JDP2: variants seen among roughly 807,000 people sequenced by gnomAD.
JDP2 encodes the protein Jun dimerization protein 2, also known as progesterone receptor co-activator.
Under a neutral mutation model 17.1 loss-of-function variants are expected in JDP2, and 9 were observed. The ratio of observed to expected loss-of-function variants is 0.53; its 90% CI spans 0.32 to 0.92. The LOEUF (loss-of-function observed/expected upper bound fraction) is 0.92. Ranked by LOEUF, JDP2 falls within the 40% of genes least tolerant of loss-of-function variation. JDP2 has a pLI of 0.04. For synonymous variants in JDP2, 107 were observed against 95.6 expected (o/e 1.12, Z -0.69); for missense variants, 179 against 220.0 (o/e 0.81, Z 1.18).
At chr14:75,454,160 G>A (rs1885996285) in intron 2 of JDP2, among the ~76,000 whole-genome samples, 1 of 99,822 alleles carries the variant, frequency 1.0e-5, no homozygotes, top group African/African-American at 4.2e-5. Flanking sequence ...AGGCCCGAGA[G>A]GAGCTGGTGA....
chr14:75,461,293 G>A, intron 2 of JDP2, 133 bp from the exon 3 acceptor site: 1 of 668,330 alleles, frequency 1.5e-6, no homozygotes, highest in Non-Finnish European at 2.7e-6. Context: ...CAGTGGGCTG[G>A]CAGAAGTGAT....
intron 2 of JDP2, among the ~76,000 whole-genome samples, chr14:75,452,607 A>G: frequency 6.6e-6 from 1 of 152,222 alleles, no homozygotes. Flanking sequence ...TCAAAATGGA[A>G]TTTGTTGCTG....
chr14:75,439,041 G>T (rs988660435), intron 2 of JDP2, among the ~76,000 whole-genome samples: 4 of 152,342 alleles, frequency 2.6e-5, no homozygotes, highest in Non-Finnish European at 4.4e-5. Context: ...GAGCATCTGG[G>T]AATGGTAGCT....
intron 3 of JDP2, among the ~76,000 whole-genome samples, chr14:75,468,736 A>G (rs1285989187): frequency 6.6e-6 from 1 of 152,268 alleles, no homozygotes; most frequent in African/African-American, 2.4e-5. Context: ...ATTATAGACT[A>G]ATAGCTAGGA....
At chr14:75,458,657 G>T (rs1427279091) in intron 2 of JDP2, among the ~76,000 whole-genome samples, 1 of 152,216 alleles carries the variant, frequency 6.6e-6, no homozygotes, top group African/African-American at 2.4e-5. Context: ...ATGGTAGAAT[G>T]ATTTATATTC....
chr14:75,453,492 T>A (rs185475586), intron 2 of JDP2, among the ~76,000 whole-genome samples: 1 of 152,364 alleles, frequency 6.6e-6, no homozygotes, highest in Non-Finnish European at 1.5e-5. Flanking sequence ...CAGGCCAGTG[T>A]GCCGCTGCTG....
Position 75,428,888 on chromosome 14 carries a change from C to T in JDP2, c.-24+636C>T, listed in dbSNP as rs1884660064. 6.6e-6 allele frequency among the ~76,000 whole-genome samples: 1 copy of T among 152,134 alleles called. No homozygotes were observed. The highest frequency in any genetic ancestry group is 1.5e-5 in the Non-Finnish European group (1 of 68,014). ...GGGTGGCCGGGGTCCCCTTTGGGCT[C>T]TCCTGTCTCCCACGCCAGGTTATAT... On this transcript the variant is annotated intron_variant, in intron 1 of 3. Coordinates refer to ENST00000651602, the MANE Select transcript of JDP2 (RefSeq NM_001135048.2). This position sits in a 1 kb window ranked among gnomAD's most constrained non-coding sequence, Gnocchi z 5.6.
In JDP2 at chr14:75,450,027, C is replaced by T. The variant is rs542583753; in HGVS notation, c.202-11399C>T. Among the ~76,000 whole-genome samples the T allele has an allele frequency of 2.0e-5, 3 of 152,286 alleles. No individual in the cohort carries two copies. In the East Asian group the frequency reaches 5.8e-4, roughly 29 times the overall value. ...ATTCTGTTCATATAAACCAGCCTCA[C>T]ACCTCGGCGGCCTGTTGTTTTTGGG... On this transcript the variant is annotated intron_variant, in intron 2 of 3. Coordinates refer to ENST00000651602, the MANE Select transcript of JDP2 (RefSeq NM_001135048.2).
At chr14:75,445,688 A>G (rs2139965983) in intron 2 of JDP2, 1 of 690,812 alleles carries the variant, frequency 1.4e-6, no homozygotes, top group Admixed American at 6.3e-5. Context: ...GAAGGCCTAA[A>G]TGTAAGAGTG....
At chr14:75,469,142 C>T in intron 3 of JDP2, 148 bp from the exon 4 acceptor site, 2 of 669,052 alleles carry the variant, frequency 3.0e-6, no homozygotes, top group Non-Finnish European at 2.5e-6. Flanking sequence ...AGTCAGTTAG[C>T]CAGGGGCTCA....
chr14:75,436,502 G>C (rs1369861216), intron 1 of JDP2, among the ~76,000 whole-genome samples: 5 of 152,254 alleles, frequency 3.3e-5, no homozygotes, highest in Admixed American at 3.3e-4. Context: ...AAGGTGAAAA[G>C]AGGGAGAAAT....
chr14:75,431,147 G>A (rs1884778129), intron 1 of JDP2, among the ~76,000 whole-genome samples: 1 of 152,228 alleles, frequency 6.6e-6, no homozygotes, highest in Non-Finnish European at 1.5e-5. Context: ...GCGTGAAGTA[G>A]AAGGGAAAAT....
intron 3 of JDP2, among the ~76,000 whole-genome samples, chr14:75,468,507 C>G (rs919748936): frequency 6.6e-6 from 1 of 151,898 alleles, no homozygotes; most frequent in Non-Finnish European, 1.5e-5. Context: ...GCCCATCTCC[C>G]ATCTACACGA....
chr14:75,433,360 A>G (rs578185597), intron 1 of JDP2, among the ~76,000 whole-genome samples: 1 of 150,672 alleles, frequency 6.6e-6, no homozygotes, highest in African/African-American at 2.4e-5. Context: ...AAACCAGAGG[A>G]AAAAGCTTAA....
At chr14:75,460,886 A>T (rs993772996) in intron 2 of JDP2, among the ~76,000 whole-genome samples, 1 of 152,192 alleles carries the variant, frequency 6.6e-6, no homozygotes, top group Non-Finnish European at 1.5e-5. Context: ...TGAGTAATTT[A>T]TAAAGAAAAG....
At chr14:75,455,479 C>T (rs1780777884) in intron 2 of JDP2, among the ~76,000 whole-genome samples, 1 of 152,158 alleles carries the variant, frequency 6.6e-6, no homozygotes, top group African/African-American at 2.4e-5. Context: ...CTGCTCTGTG[C>T]CCCAGGTGGC....
In JDP2 at chr14:75,445,096, C is replaced by T. The variant is rs1364403370; in HGVS notation, c.201+6975C>T. 13 of 985,096 alleles carry T rather than the reference C, an allele frequency of 1.3e-5. No individual in the cohort carries two copies. In the East Asian group the frequency reaches 6.8e-4, roughly 52 times the overall value. 61.0% of individuals were successfully genotyped at this position (985,096 alleles called of 1,614,324 possible). A position where few individuals can be genotyped will look rare whatever the true frequency, so the allele number is the denominator to read the frequency against. The stretch of plus-strand genomic sequence containing the variant: ...CTTACTTTGATGTTTCCAGGTCCAC[C>T]GGCAACATGGACTCAGAGTTGGGAA... On this transcript the variant is annotated intron_variant, in intron 2 of 3. Coordinates refer to ENST00000651602, the MANE Select transcript of JDP2 (RefSeq NM_001135048.2).
chr14:75,444,361 G>T (rs1482864852), intron 2 of JDP2, among the ~76,000 whole-genome samples: 1 of 152,174 alleles, frequency 6.6e-6, no homozygotes, highest in Non-Finnish European at 1.5e-5. Flanking sequence ...CTGTTTCTTG[G>T]GCTTGTATTG....
chr14:75,463,067 G>T (rs1038721244), intron 3 of JDP2, among the ~76,000 whole-genome samples: 1 of 152,178 alleles, frequency 6.6e-6, no homozygotes, highest in Non-Finnish European at 1.5e-5. Flanking sequence ...GAAGCTTCAC[G>T]TGAGATCCCT....
Sources: allele counts gnomAD v4.1 joint callset (sites outside exome capture counted in the v4.1 genomes callset), GRCh38; gene constraint gnomAD v4.1.1; non-coding constraint Gnocchi (gnomAD v3.1); transcripts MANE v1.5; gene names NCBI Gene and HGNC (gene_info 2026-07-23, HGNC 2026-07-21).